SPECC1L: variants seen among roughly 807,000 people sequenced by gnomAD.
The protein encoded by SPECC1L is cytospin-A.
Under a neutral mutation model 116.8 loss-of-function variants are expected in SPECC1L, and 40 were observed. That is an observed-to-expected ratio of 0.34 (90% CI 0.27 to 0.45). The LOEUF is 0.45. Among genes scored for constraint, SPECC1L ranks in the 20% least tolerant of loss-of-function variants. The pLI is 1.00. For missense variants in SPECC1L, 1,110 were observed against 1,373.6 expected (o/e 0.81, Z 3.03); for synonymous variants, 504 against 500.6 (o/e 1.01, Z -0.09).
intron 14 of SPECC1L, among the ~76,000 whole-genome samples, chr22:24,375,954 C>A (rs5760377): frequency 0.28 from 42,724 of 151,268 alleles, 6,205 homozygotes; most frequent in African/African-American, 0.35. Context: ...TGTCTCAAAA[C>A]AAACAAACAA....
At chr22:24,332,717 T>C (rs77376734) in intron 8 of SPECC1L, among the ~76,000 whole-genome samples, 1 of 152,088 alleles carries the variant, frequency 6.6e-6, no homozygotes, top group African/African-American at 2.4e-5. Flanking sequence ...TTTTTTTTTT[T>C]GGTTTTGGAA....
intron 11 of SPECC1L, among the ~76,000 whole-genome samples, chr22:24,347,743 T>C (rs1299018255): frequency 1.3e-5 from 2 of 152,048 alleles, no homozygotes; most frequent in Non-Finnish European, 2.9e-5. Context: ...TGGCACAATC[T>C]TGGCTCACTG....
chr22:24,403,228 C>T (rs1448004658), intron 14 of SPECC1L, among the ~76,000 whole-genome samples: 1 of 152,120 alleles, frequency 6.6e-6, no homozygotes, highest in East Asian at 1.9e-4. Context: ...AAAGTTTCTT[C>T]TGGCACATGT....
chr22:24,380,814 A>G (rs2042050212), intron 14 of SPECC1L, among the ~76,000 whole-genome samples: 1 of 152,236 alleles, frequency 6.6e-6, no homozygotes, highest in Non-Finnish European at 1.5e-5. Context: ...AGTCCAGGGC[A>G]TTATGTAACC....
At chr22:24,271,658 A>G (rs1258262863) in intron 1 of SPECC1L, among the ~76,000 whole-genome samples, 4 of 152,260 alleles carry the variant, frequency 2.6e-5, no homozygotes, top group Non-Finnish European at 4.4e-5. Context: ...ACGTTGGGCA[A>G]GCTGCCCTGG....
At chr22:24,302,441 G>A in intron 3 of SPECC1L, 57 bp downstream of exon 3, 1 of 1,589,754 alleles carries the variant, frequency 6.3e-7, no homozygotes, top group Non-Finnish European at 8.6e-7. Context: ...ATTTAAATAT[G>A]ATGTTTAATA....
chr22:24,322,757 C>G lies in SPECC1L; in HGVS notation c.1777C>G (p.Leu593Val). 1.3e-6 allele frequency: 2 copies of G among 1,584,124 alleles called. No individual in the cohort carries two copies. Among genetic ancestry groups the G allele is most frequent in the Non-Finnish European group, 1.7e-6 (2 of 1,166,926 alleles). Residue 593 changes from leucine (L) to valine (V), a missense_variant, in exon 5 of 17, where the codon CTG becomes GTG. Leu to Val is a conservative substitution (Grantham distance 32, BLOSUM62 1). Coordinates refer to ENST00000314328, the MANE Select transcript of SPECC1L (RefSeq NM_015330.6). ...LENEKQKVAE[L>V]YSIHNSGDKS... ...GAATGAAAAGCAGAAAGTGGCAGAG[C>G]TGTATTCTATCCATAACTCTGGAGA...
At chr22:24,346,992 C>A in intron 10 of SPECC1L, 94 bp from the exon 11 acceptor site, 1 of 986,498 alleles carries the variant, frequency 1.0e-6, no homozygotes, top group Non-Finnish European at 1.6e-6. Context: ...AGAATTAATA[C>A]GGATTTATAA....
At chr22:24,333,265 A>G (rs888476082) in intron 8 of SPECC1L, among the ~76,000 whole-genome samples, 1 of 152,222 alleles carries the variant, frequency 6.6e-6, no homozygotes, top group African/African-American at 2.4e-5. Flanking sequence ...TGACAGCTAA[A>G]TGACCTTAAG....
chr22:24,340,440 C>T (rs777128992), intron 10 of SPECC1L, among the ~76,000 whole-genome samples: 54 of 152,176 alleles, frequency 3.5e-4, no homozygotes, highest in Admixed American at 2.9e-3. Context: ...AGCCACTGTG[C>T]GCAGCTGATT....
chr22:24,411,531 A>G (rs972107402), intron 14 of SPECC1L, 57 bp from the exon 15 acceptor site: 35 of 1,504,958 alleles, frequency 2.3e-5, no homozygotes, highest in Non-Finnish European at 3.0e-5. Context: ...CCTCCTTGGC[A>G]TCTCCTAAGA....
At chr22:24,371,969 C>T (rs968781333) in intron 14 of SPECC1L, among the ~76,000 whole-genome samples, 6 of 152,204 alleles carry the variant, frequency 3.9e-5, no homozygotes, top group Non-Finnish European at 8.8e-5. Context: ...AATCTGCCTG[C>T]CTCAGCCTCC....
At chr22:24,382,673 C>G (rs2042083588) in intron 14 of SPECC1L, among the ~76,000 whole-genome samples, 1 of 146,870 alleles carries the variant, frequency 6.8e-6, no homozygotes, top group Non-Finnish European at 1.5e-5. Flanking sequence ...CCACTGCACT[C>G]CAGCCTGGGC....
At chr22:24,350,327 A>G (rs1026369201) in intron 11 of SPECC1L, among the ~76,000 whole-genome samples, 4 of 152,166 alleles carry the variant, frequency 2.6e-5, no homozygotes, top group Admixed American at 1.3e-4. Flanking sequence ...TGTAAGACCT[A>G]TAAGGCAAGA....
intron 2 of SPECC1L, among the ~76,000 whole-genome samples, chr22:24,294,874 T>A (rs1018811867): frequency 1.3e-5 from 2 of 152,210 alleles, no homozygotes; most frequent in Admixed American, 6.5e-5. Context: ...CAAGAATATT[T>A]TTTTGTCGAT....
intron 14 of SPECC1L, among the ~76,000 whole-genome samples, chr22:24,371,617 G>A (rs1428979903): frequency 1.3e-5 from 2 of 152,152 alleles, no homozygotes; most frequent in Non-Finnish European, 2.9e-5. Flanking sequence ...TTAATCACAA[G>A]GGAAATTAGA....
chr22:24,352,039 T>C (rs2041436390), intron 11 of SPECC1L, among the ~76,000 whole-genome samples: 1 of 151,830 alleles, frequency 6.6e-6, no homozygotes, highest in Admixed American at 6.6e-5. Flanking sequence ...TTTTTTTAAA[T>C]CTATTATCCT....
At chr22:24,297,549 G>C (rs2049291806) in intron 2 of SPECC1L, among the ~76,000 whole-genome samples, 1 of 152,118 alleles carries the variant, frequency 6.6e-6, no homozygotes, top group Non-Finnish European at 1.5e-5. Context: ...ATATATGATT[G>C]TGTCATGCGC....
intron 8 of SPECC1L, among the ~76,000 whole-genome samples, chr22:24,333,225 C>T (rs2040974712): frequency 1.3e-5 from 2 of 152,040 alleles, no homozygotes; most frequent in South Asian, 4.2e-4. Context: ...GAAACTCCAT[C>T]TCAAAAAAAA....
Sources: allele counts gnomAD v4.1 joint callset (sites outside exome capture counted in the v4.1 genomes callset), GRCh38; gene constraint gnomAD v4.1.1; transcripts MANE v1.5; gene names NCBI Gene and HGNC (gene_info 2026-07-23, HGNC 2026-07-21).